The following DLGAP1 variants were observed in gnomAD, a reference collection of about 807,000 sequenced individuals.
DLGAP1 encodes disks large-associated protein 1.
A neutral mutation model predicts 90.8 loss-of-function variants in DLGAP1; 11 were observed. That is an observed-to-expected ratio of 0.12 (90% CI 0.08 to 0.20). The LOEUF is 0.20. Ranked by LOEUF, DLGAP1 falls within the 10% of genes least tolerant of loss-of-function variation. The pLI is 1.00. For missense variants in DLGAP1, 1,050 were observed against 1,333.8 expected (o/e 0.79, Z 3.31); for synonymous variants, 558 against 540.7 (o/e 1.03, Z -0.44).
In DLGAP1 at chr18:3,516,266, C is replaced by T. The variant is rs570371925; in HGVS notation, c.2480-7605G>A. Among the ~76,000 whole-genome samples, 41 of 151,134 alleles carry T rather than the reference C, an allele frequency of 2.7e-4. No homozygotes were observed. In the South Asian group the frequency reaches 5.4e-3, roughly 20 times the overall value. On this transcript the variant is annotated intron_variant, in intron 10 of 12. Transcript: ENST00000315677. Reference sequence around the variant, plus strand: ...ATTTTTTCAAATTTTTTTGGGTGCACGGTGTATAAATTTATGGGGTACAGG... The same window carrying T: ...ATTTTTTCAAATTTTTTTGGGTGCATGGTGTATAAATTTATGGGGTACAGG...
At chr18:4,288,569 C>T (rs1364384596) in intron 1 of DLGAP1, among the ~76,000 whole-genome samples, 2 of 152,050 alleles carry the variant, frequency 1.3e-5, no homozygotes, top group East Asian at 3.9e-4. Context: ...CTGCTCTAGG[C>T]CCTGAGGATT....
At chr18:3,620,892 C>T (rs1031591154) in intron 7 of DLGAP1, among the ~76,000 whole-genome samples, 1 of 152,138 alleles carries the variant, frequency 6.6e-6, no homozygotes, top group African/African-American at 2.4e-5. Flanking sequence ...GATGTGTGAC[C>T]AGAAATTATA....
chr18:3,809,632 A>G (rs2066731339), intron 5 of DLGAP1, among the ~76,000 whole-genome samples: 1 of 152,182 alleles, frequency 6.6e-6, no homozygotes, highest in South Asian at 2.1e-4. Context: ...AATATTATAG[A>G]CTGACTATTT....
intron 2 of DLGAP1, among the ~76,000 whole-genome samples, chr18:4,039,768 T>C (rs2074948160): frequency 6.6e-6 from 1 of 152,216 alleles, no homozygotes; most frequent in Non-Finnish European, 1.5e-5. Flanking sequence ...AAAGCAGTGA[T>C]AAAACAATTA....
intron 3 of DLGAP1, among the ~76,000 whole-genome samples, chr18:4,000,084 G>C (rs1462047308): frequency 1.3e-5 from 2 of 152,062 alleles, no homozygotes; most frequent in African/African-American, 4.8e-5. Context: ...CACAGGGCTG[G>C]GATTACAGGT....
At chr18:3,859,798 C>T (rs1412490087) in intron 4 of DLGAP1, among the ~76,000 whole-genome samples, 2 of 151,976 alleles carry the variant, frequency 1.3e-5, no homozygotes, top group African/African-American at 2.4e-5. Context: ...CAGAACTGTA[C>T]GATAATAAAT....
chr18:3,802,253 G>A (rs927936932), intron 5 of DLGAP1, among the ~76,000 whole-genome samples: 1 of 147,738 alleles, frequency 6.8e-6, no homozygotes, highest in Non-Finnish European at 1.5e-5. Context: ...AAAGTGTTGG[G>A]ATTACAGGCA....
At chr18:3,514,200 G>A (rs971841676) in intron 10 of DLGAP1, among the ~76,000 whole-genome samples, 2 of 150,402 alleles carry the variant, frequency 1.3e-5, no homozygotes, top group African/African-American at 2.4e-5. Context: ...TCCAACTCCC[G>A]AGTTCAAGTG....
At chr18:3,744,394 C>T (rs970990490) in intron 5 of DLGAP1, among the ~76,000 whole-genome samples, 11 of 151,828 alleles carry the variant, frequency 7.2e-5, no homozygotes, top group Admixed American at 2.6e-4. Flanking sequence ...AAAAAAGAAA[C>T]GCATCAAATT....
At chr18:4,197,667 G>A (rs1433773092) in intron 1 of DLGAP1, among the ~76,000 whole-genome samples, 2 of 152,210 alleles carry the variant, frequency 1.3e-5, no homozygotes, top group East Asian at 3.9e-4. Flanking sequence ...GGACAGGTAT[G>A]GAGCGGGATG....
intron 1 of DLGAP1, among the ~76,000 whole-genome samples, chr18:4,416,132 T>C (rs755140317): frequency 6.6e-6 from 1 of 152,146 alleles, no homozygotes; most frequent in Non-Finnish European, 1.5e-5. Flanking sequence ...TGTAGTGACA[T>C]ATTAATACAT....
chr18:4,212,762 C>T (rs756638770), intron 1 of DLGAP1, among the ~76,000 whole-genome samples: 37 of 151,854 alleles, frequency 2.4e-4, no homozygotes, highest in East Asian at 1.6e-3. Flanking sequence ...AATCAATATA[C>T]GTCACATAGA....
intron 2 of DLGAP1, among the ~76,000 whole-genome samples, chr18:4,009,220 G>A (rs1025466551): frequency 3.9e-5 from 6 of 152,142 alleles, no homozygotes; most frequent in Non-Finnish European, 5.9e-5. Flanking sequence ...AGTCTCTTTA[G>A]ACTCCACTTG....
At chr18:3,683,930 G>C (rs1407946000) in intron 7 of DLGAP1, among the ~76,000 whole-genome samples, 3 of 151,916 alleles carry the variant, frequency 2.0e-5, no homozygotes, top group South Asian at 2.1e-4. Context: ...TCTTAAGATG[G>C]AGCAAGTAAT....
intron 1 of DLGAP1, among the ~76,000 whole-genome samples, chr18:4,363,821 G>C (rs545755136): frequency 6.6e-6 from 1 of 151,842 alleles, no homozygotes; most frequent in Non-Finnish European, 1.5e-5. Context: ...CTGTAAACTA[G>C]TTCAACCATT....
At position 4,166,343 on chromosome 18, in the gene DLGAP1, T is replaced by C. The variant is rs542223004; in HGVS notation, c.-266-15056A>G. On this transcript the variant is annotated intron_variant, in intron 1 of 12. Transcript: ENST00000315677. ...GAGTTACTACTTCATACCCATTAGG[T>C]TGGCTGTTATAAAATATATATATAT... 4.1e-4 allele frequency among the ~76,000 whole-genome samples: 62 copies of C among 152,090 alleles called. No homozygotes were observed. The South Asian group carries it at 0.013, about 32-fold the overall frequency.
At chr18:3,907,652 G>A (rs147068593) in intron 3 of DLGAP1, among the ~76,000 whole-genome samples, 210 of 152,278 alleles carry the variant, frequency 1.4e-3, no homozygotes, top group African/African-American at 4.9e-3. Flanking sequence ...GCAGGAAGAG[G>A]CATGTGGGTG....
chr18:4,097,136 C>G (rs140025990), intron 2 of DLGAP1, among the ~76,000 whole-genome samples: 3 of 152,154 alleles, frequency 2.0e-5, no homozygotes, highest in African/African-American at 7.2e-5. Flanking sequence ...AATTGTTTAC[C>G]ACATTAAGGA....
At chr18:4,390,649 C>A (rs1447099305) in intron 1 of DLGAP1, among the ~76,000 whole-genome samples, 3 of 152,146 alleles carry the variant, frequency 2.0e-5, no homozygotes, top group Non-Finnish European at 4.4e-5. Context: ...TATTTTCTTT[C>A]ACTTAGTACG....
Sources: allele counts gnomAD v4.1 joint callset (sites outside exome capture counted in the v4.1 genomes callset), GRCh38; gene constraint gnomAD v4.1.1; transcripts MANE v1.5; gene names NCBI Gene and HGNC (gene_info 2026-07-23, HGNC 2026-07-21).